Variants in ARNT2 observed in about 807,000 individuals in gnomAD.
ARNT2 encodes ARNT protein 2.
Under a neutral mutation model 91.7 loss-of-function variants are expected in ARNT2, and 36 were observed. The observed-to-expected ratio is 0.39, with a 90% CI of 0.30 to 0.52. The LOEUF (loss-of-function observed/expected upper bound fraction) is 0.52. Ranked by LOEUF, ARNT2 falls within the 20% of genes least tolerant of loss-of-function variation. The pLI, the probability that ARNT2 is intolerant of heterozygous loss-of-function variation, is 0.72. For missense variants in ARNT2, 775 were observed against 939.3 expected (o/e 0.83, Z 2.29); for synonymous variants, 365 against 347.1 (o/e 1.05, Z -0.57).
intron 17 of ARNT2, among the ~76,000 whole-genome samples, chr15:80,584,052 AG>A (rs1898846516): frequency 6.6e-6 from 1 of 152,178 alleles, no homozygotes; most frequent in South Asian, 2.1e-4. Flanking sequence ...GGATGCAGGG[AG>A]AGTGTGTTGA....
At chr15:80,544,905 C>T (rs1897966634) in intron 8 of ARNT2, among the ~76,000 whole-genome samples, 1 of 152,154 alleles carries the variant, frequency 6.6e-6, no homozygotes, top group South Asian at 2.1e-4. Context: ...GAATGTATGA[C>T]TCTAAGGGCA....
intron 8 of ARNT2, among the ~76,000 whole-genome samples, chr15:80,519,307 G>T (rs1444917007): frequency 6.6e-6 from 1 of 152,162 alleles, no homozygotes; most frequent in African/African-American, 2.4e-5. Context: ...GGGTGGATAT[G>T]GGGGGAAGAG....
intron 17 of ARNT2, among the ~76,000 whole-genome samples, chr15:80,590,953 C>G (rs2141488754): frequency 6.6e-6 from 1 of 152,328 alleles, no homozygotes; most frequent in South Asian, 2.1e-4. Flanking sequence ...GCCAAAGAGC[C>G]AGGCAGGAAA....
intron 5 of ARNT2, among the ~76,000 whole-genome samples, chr15:80,486,995 T>C (rs2141408259): frequency 6.6e-6 from 1 of 152,292 alleles, no homozygotes; most frequent in South Asian, 2.1e-4. Flanking sequence ...TCACCACTCA[T>C]CCATCTGGAG....
At chr15:80,544,296 A>G (rs1566997438) in intron 8 of ARNT2, among the ~76,000 whole-genome samples, 3 of 152,098 alleles carry the variant, frequency 2.0e-5, no homozygotes, top group Non-Finnish European at 4.4e-5. Context: ...ATTTGATGCT[A>G]GACATTGTGA....
intron 8 of ARNT2, among the ~76,000 whole-genome samples, chr15:80,549,572 T>C (rs1263398591): frequency 3.3e-5 from 5 of 152,042 alleles, no homozygotes; most frequent in Non-Finnish European, 7.4e-5. Context: ...AAACAAGATA[T>C]AAAAAATGAT....
chr15:80,475,337 G>C, intron 5 of ARNT2, 114 bp downstream of exon 5: 2 of 1,025,522 alleles, frequency 2.0e-6, no homozygotes, highest in Non-Finnish European at 2.9e-6. Context: ...GGTGGATCAC[G>C]AGGTCAGGAG....
intron 1 of ARNT2, among the ~76,000 whole-genome samples, chr15:80,440,562 C>A (rs1896172777): frequency 6.6e-6 from 1 of 152,154 alleles, no homozygotes; most frequent in Non-Finnish European, 1.5e-5. Context: ...TGCCCCTGTT[C>A]CAGAGGAGAG....
chr15:80,418,252 C>T (rs1479239273), intron 1 of ARNT2, among the ~76,000 whole-genome samples: 1 of 152,176 alleles, frequency 6.6e-6, no homozygotes, highest in Non-Finnish European at 1.5e-5. Flanking sequence ...TGTGCAGGAT[C>T]ATAAGCTGTC....
At chr15:80,552,896 A>G in intron 10 of ARNT2, 122 bp downstream of exon 10, 1 of 1,267,906 alleles carries the variant, frequency 7.9e-7, no homozygotes, top group South Asian at 1.5e-5. Context: ...AGACCCATAT[A>G]CCCTGCCTAG....
intron 1 of ARNT2, among the ~76,000 whole-genome samples, chr15:80,405,086 C>A (rs2141548037): frequency 6.6e-6 from 1 of 152,300 alleles, no homozygotes; most frequent in Admixed American, 6.5e-5. Flanking sequence ...TCCGGGGGCA[C>A]AAAACACCCA....
At chr15:80,437,403 C>T (rs778892971) in intron 1 of ARNT2, among the ~76,000 whole-genome samples, 9 of 152,184 alleles carry the variant, frequency 5.9e-5, no homozygotes, top group Non-Finnish European at 1.0e-4. Context: ...CTCATCTCCC[C>T]GGTTTTTACT....
At chr15:80,432,072 T>C (rs531100445) in intron 1 of ARNT2, among the ~76,000 whole-genome samples, 2 of 152,222 alleles carry the variant, frequency 1.3e-5, no homozygotes, top group African/African-American at 4.8e-5. Context: ...TGCTGCTGTC[T>C]CCTGAAAGCT....
intron 1 of ARNT2, among the ~76,000 whole-genome samples, chr15:80,450,351 C>T (rs1407557279): frequency 1.3e-5 from 2 of 152,172 alleles, no homozygotes; most frequent in African/African-American, 2.4e-5. Flanking sequence ...AACAGAGGGG[C>T]CAAGCAGGGC....
At chr15:80,442,755 T>C (rs2141579167) in intron 1 of ARNT2, 1 of 771,714 alleles carries the variant, frequency 1.3e-6, no homozygotes, top group Non-Finnish European at 1.6e-6. Flanking sequence ...GTATTGAGCA[T>C]GTGTGGCATG....
At chr15:80,552,345 G>A (rs1898096183) in intron 9 of ARNT2, among the ~76,000 whole-genome samples, 1 of 152,176 alleles carries the variant, frequency 6.6e-6, no homozygotes, top group Non-Finnish European at 1.5e-5. Flanking sequence ...CAAATGCCAA[G>A]GTTTAACATG....
At chr15:80,450,737 G>T (rs1385339496) in intron 1 of ARNT2, 143 bp from the exon 2 acceptor site, 8 of 785,784 alleles carry the variant, frequency 1.0e-5, no homozygotes, top group Non-Finnish European at 1.8e-5. Flanking sequence ...CAGCCACATA[G>T]CTGATGATGG....
intron 8 of ARNT2, among the ~76,000 whole-genome samples, chr15:80,546,531 G>A (rs1401694562): frequency 6.6e-6 from 1 of 152,246 alleles, no homozygotes; most frequent in Non-Finnish European, 1.5e-5. Context: ...TGTTTTGGTA[G>A]AGAGATTTGG....
At chr15:80,585,573 GC>G (rs1250191956) in intron 17 of ARNT2, among the ~76,000 whole-genome samples, 1 of 152,214 alleles carries the variant, frequency 6.6e-6, no homozygotes, top group African/African-American at 2.4e-5. Context: ...TGGAGAATGT[GC>G]ATCTGTCTTG....
Sources: gnomAD v4.1 joint callset for allele counts (sites outside exome capture counted in the v4.1 genomes callset) on GRCh38, gnomAD v4.1.1 for gene constraint, MANE v1.5 for transcripts, NCBI Gene and HGNC (gene_info 2026-07-23, HGNC 2026-07-21) for gene names.